Variants in UBE2E2 observed in about 807,000 individuals in gnomAD.
The protein encoded by UBE2E2 is ubiquitin conjugating enzyme E2 E2.
In UBE2E2, 6 loss-of-function variants were observed where a neutral mutation model predicts 24.7. The ratio of observed to expected loss-of-function variants is 0.24; its 90% CI spans 0.13 to 0.48. The LOEUF (loss-of-function observed/expected upper bound fraction) is 0.48. UBE2E2 is among the 20% of genes least tolerant of loss of function. The probability of loss-of-function intolerance (pLI) is 0.99; values close to 1 mark genes in which losing one functional copy is unlikely to be tolerated. For synonymous variants in UBE2E2, 104 were observed against 83.6 expected (o/e 1.24, Z -1.33); for missense variants, 169 against 245.0 (o/e 0.69, Z 2.07).
At chr3:23,523,086 TA>T (rs201282359) in intron 4 of UBE2E2, among the ~76,000 whole-genome samples, 2 of 151,942 alleles carry the variant, frequency 1.3e-5, no homozygotes, top group Admixed American at 6.6e-5. Context: ...GTAACTAATT[TA>T]AAAAAAACAC....
intron 3 of UBE2E2, among the ~76,000 whole-genome samples, chr3:23,220,510 T>C (rs895610478): frequency 3.3e-5 from 5 of 152,150 alleles, no homozygotes; most frequent in Non-Finnish European, 7.4e-5. Context: ...TTGAGTGAAA[T>C]TTGGTATATG....
At chr3:23,389,701 C>T in intron 3 of UBE2E2, 1 of 235,116 alleles carries the variant, frequency 4.3e-6, no homozygotes, top group Non-Finnish European at 8.8e-6. Context: ...ACTTCCATCG[C>T]TGCCTTCTCT....
chr3:23,286,716 A>G (rs1698623641), intron 3 of UBE2E2, among the ~76,000 whole-genome samples: 1 of 152,150 alleles, frequency 6.6e-6, no homozygotes, highest in Non-Finnish European at 1.5e-5. Flanking sequence ...TAGAGAATGC[A>G]TTTAATCTGT....
chr3:23,353,072 G>T (rs1452836130), intron 3 of UBE2E2, among the ~76,000 whole-genome samples: 1 of 152,158 alleles, frequency 6.6e-6, no homozygotes, highest in African/African-American at 2.4e-5. Flanking sequence ...ATGCAAGGCT[G>T]GTTCAAGATA....
chr3:23,277,426 G>A (rs1282877600), intron 3 of UBE2E2, among the ~76,000 whole-genome samples: 1 of 152,154 alleles, frequency 6.6e-6, no homozygotes, highest in Admixed American at 6.5e-5. Context: ...AAGGGTCAAC[G>A]TTTGTATCTA....
At chr3:23,260,661 A>C (rs906276332) in intron 3 of UBE2E2, among the ~76,000 whole-genome samples, 4 of 152,124 alleles carry the variant, frequency 2.6e-5, no homozygotes, top group Non-Finnish European at 5.9e-5. Flanking sequence ...AAAAGAAGGA[A>C]GTTAGCGAGC....
At chr3:23,560,496 T>C (rs1194167641) in intron 5 of UBE2E2, among the ~76,000 whole-genome samples, 2 of 152,086 alleles carry the variant, frequency 1.3e-5, no homozygotes, top group East Asian at 3.8e-4. Flanking sequence ...TTCCAAGTCT[T>C]TGCTGTTGTG....
At chr3:23,270,941 T>G (rs1055571101) in intron 3 of UBE2E2, 1 of 456,654 alleles carries the variant, frequency 2.2e-6, no homozygotes, top group African/African-American at 2.0e-5. Context: ...ATACTCCATT[T>G]GTTAACAGGC....
At chr3:23,539,653 C>T (rs1411993367) in intron 5 of UBE2E2, among the ~76,000 whole-genome samples, 1 of 152,124 alleles carries the variant, frequency 6.6e-6, no homozygotes, top group Non-Finnish European at 1.5e-5. Context: ...AAGGTAAATC[C>T]CTTAGAGTGG....
intron 3 of UBE2E2, among the ~76,000 whole-genome samples, chr3:23,283,483 C>A (rs1264355785): frequency 6.6e-6 from 1 of 152,100 alleles, no homozygotes; most frequent in Admixed American, 6.6e-5. Context: ...GCCTGTAATC[C>A]CAGCACTTTG....
chr3:23,535,050 T>C (rs749228957), intron 5 of UBE2E2, among the ~76,000 whole-genome samples: 9 of 152,216 alleles, frequency 5.9e-5, no homozygotes, highest in African/African-American at 1.2e-4. Flanking sequence ...TTCTTTAGGG[T>C]ATGACTACCC....
chr3:23,277,228 TAA>T (rs1698392703), intron 3 of UBE2E2, among the ~76,000 whole-genome samples: 1 of 152,142 alleles, frequency 6.6e-6, no homozygotes. Flanking sequence ...TAAAAAAAAT[TAA>T]AAGTGTTCAT....
chr3:23,256,389 C>T (rs146066180), intron 3 of UBE2E2, among the ~76,000 whole-genome samples: 1 of 152,084 alleles, frequency 6.6e-6, no homozygotes, highest in Non-Finnish European at 1.5e-5. Flanking sequence ...TTTTTATTAG[C>T]CTTTTAAAGG....
chr3:23,398,319 AAAAAC>A (rs1210668497), intron 3 of UBE2E2, among the ~76,000 whole-genome samples: 3 of 151,616 alleles, frequency 2.0e-5, no homozygotes, highest in Admixed American at 1.3e-4. Flanking sequence ...TCTCAAAAAA[AAAAAC>A]AAAAAAAAAC....
At chr3:23,568,184 C>G (rs1052758855) in intron 5 of UBE2E2, among the ~76,000 whole-genome samples, 1 of 152,160 alleles carries the variant, frequency 6.6e-6, no homozygotes, top group South Asian at 2.1e-4. Context: ...GATTCCCACA[C>G]GTGGTGGAGA....
intron 4 of UBE2E2, among the ~76,000 whole-genome samples, chr3:23,509,343 A>C (rs565926958): frequency 1.3e-5 from 2 of 152,188 alleles, no homozygotes; most frequent in African/African-American, 4.8e-5. Context: ...ATTATATTTC[A>C]TTGTCCACTT....
intron 3 of UBE2E2, among the ~76,000 whole-genome samples, chr3:23,284,826 A>G (rs1243807668): frequency 6.6e-6 from 1 of 151,808 alleles, no homozygotes; most frequent in African/African-American, 2.4e-5. Context: ...TTGTGTTTCA[A>G]GTAATCCAGT....
At chr3:23,235,756 G>A (rs1392207509) in intron 3 of UBE2E2, among the ~76,000 whole-genome samples, 1 of 152,102 alleles carries the variant, frequency 6.6e-6, no homozygotes, top group African/African-American at 2.4e-5. Context: ...ATGGGGTTGG[G>A]TTTGAGTCTG....
chr3:23,523,758 G>A (rs920725935), intron 4 of UBE2E2, among the ~76,000 whole-genome samples: 5 of 151,648 alleles, frequency 3.3e-5, no homozygotes, highest in African/African-American at 1.2e-4. Context: ...TAGGGTGTAT[G>A]TTAGTTATTG....
Sources: gnomAD v4.1 joint callset for allele counts (sites outside exome capture counted in the v4.1 genomes callset) on GRCh38, gnomAD v4.1.1 for gene constraint, MANE v1.5 for transcripts, NCBI Gene and HGNC (gene_info 2026-07-23, HGNC 2026-07-21) for gene names.